The following PKP2 variants were observed in gnomAD, a reference collection of about 807,000 sequenced individuals.
The protein encoded by PKP2 is plakophilin-2.
In PKP2, 73 loss-of-function variants were observed where a neutral mutation model predicts 83.4. The ratio of observed to expected loss-of-function variants is 0.88; its 90% confidence interval spans 0.72 to 1.06. The LOEUF is 1.06. PKP2 is among the 50% of genes least tolerant of loss of function. The pLI is 0.00. For synonymous variants in PKP2, 409 were observed against 430.4 expected, an observed-to-expected ratio of 0.95 and a Z score of 0.62; for missense variants, 966 against 1,065.4, an observed-to-expected ratio of 0.91 and a Z score of 1.30.
chr12:32,804,186 A>G (rs994066267), intron 9 of PKP2, among the ~76,000 whole-genome samples: 2 of 152,184 alleles, frequency 1.3e-5, no homozygotes, highest in Non-Finnish European at 2.9e-5. Context: ...GAGAAGAAAC[A>G]TGAAAAGCAA....
chr12:32,877,935 C>T lies in PKP2; in HGVS notation c.945G>A (p.Arg315=), dbSNP rs1956947205. 1 of 1,614,200 alleles carries T rather than the reference C, an allele frequency of 6.2e-7. No homozygotes were observed. The highest frequency in any genetic ancestry group is 1.3e-5 in the African/African-American group (1 of 75,070). Residue 315 remains arginine (R), a synonymous_variant, in exon 3 of 13, where the codon AGG becomes AGA. Coordinates refer to ENST00000340811, the MANE Select transcript of PKP2 (RefSeq NM_001005242.3). ...GPSVAVDSSG[R]RAHLTVGQAA... is the part of the protein sequence containing the mutation. ...CCTGGCCGACAGTCAAGTGCGCTCT[C>T]CTCCCGCTGGAATCCACGGCGACAC...
intron 1 of PKP2, among the ~76,000 whole-genome samples, chr12:32,883,621 G>A (rs1957004697): frequency 6.6e-6 from 1 of 152,118 alleles, no homozygotes; most frequent in African/African-American, 2.4e-5. Flanking sequence ...TGAAAATTGA[G>A]GTGTGATTCT....
intron 6 of PKP2, among the ~76,000 whole-genome samples, chr12:32,825,231 C>T (rs548420762): frequency 1.1e-4 from 15 of 140,688 alleles, no homozygotes; most frequent in South Asian, 4.5e-4. Context: ...TGCAGTGGCG[C>T]GATCTCGGCT....
intron 4 of PKP2, among the ~76,000 whole-genome samples, chr12:32,858,062 T>TCCA: frequency 2.3e-4 from 1 of 4,286 alleles, no homozygotes; most frequent in African/African-American, 7.4e-4. Context: ...ACCCCATCTC[T>TCCA]ACAAAAAAAA....
intron 5 of PKP2, among the ~76,000 whole-genome samples, chr12:32,847,945 A>C (rs1485777228): frequency 6.6e-6 from 1 of 152,020 alleles, no homozygotes; most frequent in Admixed American, 6.6e-5. Context: ...AAAAACAAAA[A>C]CAAAAAAACC....
intron 4 of PKP2, among the ~76,000 whole-genome samples, chr12:32,858,408 C>T (rs184315176): frequency 6.6e-6 from 1 of 151,992 alleles, no homozygotes; most frequent in Admixed American, 6.6e-5. Context: ...ATTCCCTTCA[C>T]CTATATGTAT....
At chr12:32,798,073 A>ATTG (rs1956144898) in intron 10 of PKP2, among the ~76,000 whole-genome samples, 1 of 136,728 alleles carries the variant, frequency 7.3e-6, no homozygotes, top group Non-Finnish European at 1.5e-5. Flanking sequence ...TACATAAGTA[A>ATTG]TACTACTCTT....
At chr12:32,858,103 A>ATATATATATATATT (rs1956769159) in intron 4 of PKP2, among the ~76,000 whole-genome samples, 11 of 94,560 alleles carry the variant, frequency 1.2e-4, no homozygotes, top group African/African-American at 5.4e-4. Context: ...ATATATATAT[A>ATATATATATATATT]TATATATATA....
At chr12:32,885,661 C>G (rs75591646) in intron 1 of PKP2, among the ~76,000 whole-genome samples, 2 of 109,950 alleles carry the variant, frequency 1.8e-5, no homozygotes, top group East Asian at 7.3e-4. Flanking sequence ...AAGATTCCGT[C>G]CCCCCCCCAA....
chr12:32,814,761 T>TA, intron 9 of PKP2, among the ~76,000 whole-genome samples: 1 of 152,126 alleles, frequency 6.6e-6, no homozygotes, highest in Admixed American at 6.5e-5. Context: ...CCGTCTCTAC[T>TA]AAAAGTACAA....
At chr12:32,815,628 T>C (rs767835696) in intron 9 of PKP2, among the ~76,000 whole-genome samples, 7 of 152,262 alleles carry the variant, frequency 4.6e-5, no homozygotes, top group Non-Finnish European at 4.4e-5. Flanking sequence ...ATTTTTGTTT[T>C]CTTTTAAAAC....
At chr12:32,866,790 C>T (rs1010967271) in intron 4 of PKP2, among the ~76,000 whole-genome samples, 8 of 152,056 alleles carry the variant, frequency 5.3e-5, no homozygotes, top group Non-Finnish European at 1.2e-4. Flanking sequence ...ATACACCTAC[C>T]ATACCATCCA....
intron 1 of PKP2, among the ~76,000 whole-genome samples, chr12:32,883,022 TATTA>T (rs1455768624): frequency 6.6e-6 from 1 of 152,236 alleles, no homozygotes; most frequent in African/African-American, 2.4e-5. Flanking sequence ...ACTCTGTAAA[TATTA>T]ATTCTTTATT....
intron 6 of PKP2, among the ~76,000 whole-genome samples, chr12:32,833,330 G>T (rs1420731385): frequency 6.6e-6 from 1 of 152,128 alleles, no homozygotes; most frequent in Non-Finnish European, 1.5e-5. Context: ...CTAAAGTTTG[G>T]TACCAAGATA....
Position 32,868,968 on chromosome 12 carries a change from T to C in PKP2, c.1129A>G (p.Ile377Val), listed in dbSNP as rs1565596114. ...GATTTCTGGAAGCACTCGTGCTGTA[T>C]GAAAGTAGCTGCAGCAGAAATCCTG... Reference protein sequence around the residue: ...PSRISAAATFIQHECFQKSEA... With the variant: ...PSRISAAATFVQHECFQKSEA... The change falls in exon 4 of 13, where the codon ATA becomes GTA. Residue 377 changes from isoleucine (I) to valine (V), a missense_variant. Coordinates refer to ENST00000340811, the MANE Select transcript of PKP2 (RefSeq NM_001005242.3). The C allele has an allele frequency of 6.2e-7, 1 of 1,613,782 alleles. No homozygotes were observed. The highest frequency in any genetic ancestry group is 1.7e-5 in the Admixed American group (1 of 60,004).
At chr12:32,854,989 TCA>T (rs969500887) in intron 4 of PKP2, among the ~76,000 whole-genome samples, 22 of 152,344 alleles carry the variant, frequency 1.4e-4, no homozygotes, top group African/African-American at 5.0e-4. Context: ...AGCTCAAATG[TCA>T]CCTCCTCTAT....
chr12:32,839,181 G>T (rs1247937985), intron 6 of PKP2, among the ~76,000 whole-genome samples: 3 of 151,914 alleles, frequency 2.0e-5, no homozygotes, highest in Non-Finnish European at 2.9e-5. Context: ...TTTTTGTTTG[G>T]TTCACCCACT....
chr12:32,810,635 T>C (rs1408050253), intron 9 of PKP2, among the ~76,000 whole-genome samples: 13 of 152,220 alleles, frequency 8.5e-5, no homozygotes, highest in Admixed American at 7.9e-4. Flanking sequence ...CATGGCTAAA[T>C]TGATGAAGTC....
At chr12:32,851,054 G>T in intron 4 of PKP2, 81 bp from the exon 5 acceptor site, 1 of 1,120,256 alleles carries the variant, frequency 8.9e-7, no homozygotes, top group South Asian at 1.3e-5. Context: ...AACAGATGAA[G>T]TTTACTGATG....
Sources: gnomAD v4.1 joint callset for allele counts (sites outside exome capture counted in the v4.1 genomes callset) on GRCh38, gnomAD v4.1.1 for gene constraint, MANE v1.5 for transcripts, NCBI Gene and HGNC (gene_info 2026-07-23, HGNC 2026-07-21) for gene names.